SNRPD2: variants seen among roughly 807,000 people sequenced by gnomAD.
The protein encoded by SNRPD2 is small nuclear ribonucleoprotein D2 polypeptide.
In SNRPD2, 1 loss-of-function variant was observed where a neutral mutation model predicts 11.5. The ratio of observed to expected loss-of-function variants is 0.09; its 90% CI spans 0.03 to 0.41. The LOEUF is 0.41. Among genes scored for constraint, SNRPD2 ranks in the 10% least tolerant of loss-of-function variants. The pLI is 0.98. For missense variants in SNRPD2, 77 were observed against 154.9 expected (o/e 0.50, Z 2.67); for synonymous variants, 63 against 61.5 (o/e 1.02, Z -0.12).
chr19:45,691,795 C>T (rs1461601457), intron 1 of SNRPD2, 92 bp downstream of exon 1: 17 of 1,489,326 alleles, frequency 1.1e-5, no homozygotes, highest in Non-Finnish European at 1.6e-5. Context: ...CTGCCCCTGC[C>T]CCCCCCGCTC....
intron 1 of SNRPD2, among the ~76,000 whole-genome samples, chr19:45,689,524 AAAACAAAAC>A (rs1031913525): frequency 5.3e-5 from 8 of 151,996 alleles, no homozygotes; most frequent in African/African-American, 1.9e-4. Flanking sequence ...AAAACAAAAC[AAAACAAAAC>A]AACAATAAAA....
intron 1 of SNRPD2, 85 bp downstream of exon 1, chr19:45,691,802 G>C (rs1032751132): frequency 8.8e-6 from 12 of 1,371,312 alleles, no homozygotes; most frequent in Non-Finnish European, 1.1e-5. Context: ...TGCCCCCCCC[G>C]CTCTGCTCAA....
Position 45,688,265 on chromosome 19 carries a change from G to T in SNRPD2, c.182+122C>A. 1 of 800,760 alleles carries T rather than the reference G, an allele frequency of 1.2e-6. No homozygotes were observed. The highest frequency in any genetic ancestry group is 2.0e-6 in the Non-Finnish European group (1 of 494,558). 49.6% of individuals were successfully genotyped at this position (800,760 alleles called of 1,614,324 possible). A position where few individuals can be genotyped will look rare whatever the true frequency, so the allele number is the denominator to read the frequency against. On this transcript the variant is annotated intron_variant, in intron 2 of 2. Transcript: ENST00000342669. The surrounding 1 kb of genome is among the most constrained non-coding windows in gnomAD (Gnocchi z 4.1). ...CCCAAAGTGCTGGGATTACAGGCAT[G>T]AGCCACCACGCCTGGCCATACACCC...
At position 45,687,754 on chromosome 19, in the gene SNRPD2, C is replaced by T; in HGVS notation, c.183-27G>A. 1 of 1,602,862 alleles carries T rather than the reference C, an allele frequency of 6.2e-7. No homozygotes were observed. Among genetic ancestry groups the T allele is most frequent in the South Asian group, 1.1e-5 (1 of 90,780 alleles). On this transcript the variant is annotated intron_variant, in intron 2 of 2. Coordinates refer to ENST00000342669, the MANE Select transcript of SNRPD2 (RefSeq NM_001384647.1). This position sits in a 1 kb window ranked among gnomAD's most constrained non-coding sequence, Gnocchi z 4.1. ...TGGTGGGGAACAGGGAGGGGAGGCA[C>T]TGGGCGTGAGGGGCGTGCCTCTGAC...
upstream of SNRPD2, chr19:45,692,272 C>T: frequency 2.7e-6 from 1 of 371,088 alleles, no homozygotes; most frequent in Admixed American, 3.9e-5. Context: ...CCAATCCGCT[C>T]CTCGCTTCGG....
At chr19:45,689,486 G>A in intron 1 of SNRPD2, 1 of 240,752 alleles carries the variant, frequency 4.2e-6, no homozygotes, top group South Asian at 4.3e-5. Flanking sequence ...TGGCCAACAT[G>A]GTGAAACCCC....
Position 45,688,590 on chromosome 19 carries a change from A to G in SNRPD2, c.3-24T>C, listed in dbSNP as rs927693671. 2 of 1,601,438 alleles carry G rather than the reference A, an allele frequency of 1.2e-6. No homozygotes were observed. Among genetic ancestry groups the G allele is most frequent in the East Asian group, 2.2e-5 (1 of 44,826 alleles). ...TCCTGCATGGACAAACATGGAACCAATAAGTGAGAGAGGCTGGAGTTGAGA... is the reference window on the plus strand; with the variant it reads ...TCCTGCATGGACAAACATGGAACCAGTAAGTGAGAGAGGCTGGAGTTGAGA... On this transcript the variant is annotated intron_variant, in intron 1 of 2. Transcript: ENST00000342669. The surrounding 1 kb of genome is among the most constrained non-coding windows in gnomAD (Gnocchi z 4.1).
chr19:45,688,349 A>G lies in SNRPD2; in HGVS notation c.182+38T>C. ...AGACTGGAGCTGGAGTGGCCTCTCC[A>G]GGCCTGCGGAGAACACCTCCCAGGA... is the stretch of plus-strand genomic sequence containing the variant. On this transcript the variant is annotated intron_variant, in intron 2 of 2. Coordinates refer to ENST00000342669, the MANE Select transcript of SNRPD2 (RefSeq NM_001384647.1). The surrounding 1 kb of genome is among the most constrained non-coding windows in gnomAD (Gnocchi z 4.1). 3.8e-6 allele frequency: 6 copies of G among 1,594,864 alleles called. No homozygotes were observed. The highest frequency in any genetic ancestry group is 5.2e-6 in the Non-Finnish European group (6 of 1,163,578).
rs1967470306 is a variant in SNRPD2 at position 45,688,757 on chromosome 19, G to T, written c.3-191C>A. Among the ~76,000 whole-genome samples the T allele has an allele frequency of 6.6e-6, 1 of 151,422 alleles. No homozygotes were observed. Among genetic ancestry groups the T allele is most frequent in the Non-Finnish European group, 1.5e-5 (1 of 67,888 alleles). ...AGACATTTTTTTTTTTTTTGAGACG[G>T]AGTCTTGATCTGTTGCCCAGGCTGG... On this transcript the variant is annotated intron_variant, in intron 1 of 2. Transcript: ENST00000342669. The surrounding 1 kb of genome is among the most constrained non-coding windows in gnomAD (Gnocchi z 4.1).
Position 45,688,624 on chromosome 19 carries a change from CTG to C in SNRPD2, c.3-60_3-59del. The C allele has an allele frequency of 7.2e-7, 1 of 1,396,792 alleles. No individual in the cohort carries two copies. The highest frequency in any genetic ancestry group is 1.2e-5 in the South Asian group (1 of 85,144). The allele number at this position is 1,396,792 out of a possible 1,614,324, so 86.5% of individuals were successfully genotyped here. A position where few individuals can be genotyped will look rare whatever the true frequency, so the allele number is the denominator to read the frequency against. ...AGAGGCTGGAGTTGAGAGGCTGGAG[CTG>C]TGAGGATGGGTGATCAGGGCCTTGG... On this transcript the variant is annotated intron_variant, in intron 1 of 2. Coordinates refer to ENST00000342669, the MANE Select transcript of SNRPD2 (RefSeq NM_001384647.1). The surrounding 1 kb of genome is among the most constrained non-coding windows in gnomAD (Gnocchi z 4.1).
chr19:45,691,656 C>A, intron 1 of SNRPD2: 2 of 597,652 alleles, frequency 3.3e-6, no homozygotes, highest in South Asian at 1.9e-5. Context: ...CAGGAATGAG[C>A]CCCCGCGCCC....
intron 1 of SNRPD2, among the ~76,000 whole-genome samples, chr19:45,690,060 G>A (rs1170400106): frequency 6.0e-5 from 9 of 150,924 alleles, no homozygotes; most frequent in South Asian, 2.1e-4. Context: ...GGCCGGGCGC[G>A]GTGGCTCACG....
At chr19:45,691,204 C>G (rs1443788862) in intron 1 of SNRPD2, among the ~76,000 whole-genome samples, 1 of 152,132 alleles carries the variant, frequency 6.6e-6, no homozygotes, top group Non-Finnish European at 1.5e-5. Context: ...AATCTCGGCT[C>G]ACTGCAACCT....
At position 45,688,356 on chromosome 19, in the gene SNRPD2, C is replaced by A. The variant is rs768751851; in HGVS notation, c.182+31G>T. 1 of 1,604,964 alleles carries A rather than the reference C, an allele frequency of 6.2e-7. No homozygotes were observed. The highest frequency in any genetic ancestry group is 2.2e-5 in the East Asian group (1 of 44,826). On this transcript the variant is annotated intron_variant, in intron 2 of 2. Transcript: ENST00000342669. The surrounding 1 kb of genome is among the most constrained non-coding windows in gnomAD (Gnocchi z 4.1). ...AGCTGGAGTGGCCTCTCCAGGCCTG[C>A]GGAGAACACCTCCCAGGACCCAGCA...
At chr19:45,691,991 GC>G, upstream of SNRPD2, 2 of 1,611,736 alleles carry the variant, frequency 1.2e-6, no homozygotes, top group Non-Finnish European at 1.7e-6. Context: ...TTCCGTTGGC[GC>G]CTGCGCAAAG....
At chr19:45,689,534 A>C (rs569916500) in intron 1 of SNRPD2, among the ~76,000 whole-genome samples, 2 of 152,086 alleles carry the variant, frequency 1.3e-5, no homozygotes, top group African/African-American at 4.8e-5. Context: ...AAAACAAAAC[A>C]ACAATAAAAA....
chr19:45,692,102 A>C, upstream of SNRPD2: 1 of 1,256,116 alleles, frequency 8.0e-7, no homozygotes. Flanking sequence ...GCGGCCAGTC[A>C]GAACCACACG....
At chr19:45,689,591 A>G (rs1398669978) in intron 1 of SNRPD2, among the ~76,000 whole-genome samples, 2 of 152,212 alleles carry the variant, frequency 1.3e-5, no homozygotes, top group African/African-American at 4.8e-5. Context: ...CACGCCTGTA[A>G]TCTCAGCTAC....
upstream of SNRPD2, chr19:45,692,045 C>T: frequency 1.9e-6 from 3 of 1,581,176 alleles, no homozygotes; most frequent in Non-Finnish European, 2.6e-6. Context: ...ACAGCATTCC[C>T]CACCAACGGT....
Sources: gnomAD v4.1 joint callset for allele counts (sites outside exome capture counted in the v4.1 genomes callset) on GRCh38, gnomAD v4.1.1 for gene constraint, Gnocchi (gnomAD v3.1) non-coding constraint, MANE v1.5 for transcripts, NCBI Gene and HGNC (gene_info 2026-07-23, HGNC 2026-07-21) for gene names.